The following NAV1 variants were observed in gnomAD, a reference collection of about 807,000 sequenced individuals.
NAV1 encodes the protein pore membrane and/or filament interacting like protein 3.
In NAV1, 18 loss-of-function variants were observed where a neutral mutation model predicts 175.2. The ratio of observed to expected loss-of-function variants is 0.10; its 90% CI spans 0.07 to 0.15. The LOEUF (loss-of-function observed/expected upper bound fraction) is 0.15, where lower values mean the gene tolerates loss of function less well. Among genes scored for constraint, NAV1 ranks in the 10% least tolerant of loss-of-function variants. The probability of loss-of-function intolerance (pLI) is 1.00; values close to 1 mark genes in which losing one functional copy is unlikely to be tolerated. For missense variants in NAV1, 1,731 were observed against 2,436.6 expected (o/e 0.71, Z 6.10); for synonymous variants, 897 against 978.7 (o/e 0.92, Z 1.56).
At chr1:201,668,437 C>T (rs1177841916) in intron 1 of NAV1, among the ~76,000 whole-genome samples, 1 of 152,154 alleles carries the variant, frequency 6.6e-6, no homozygotes, top group Non-Finnish European at 1.5e-5. Context: ...CTGGGGCATG[C>T]CAGCTCCATC....
intron 2 of NAV1, among the ~76,000 whole-genome samples, chr1:201,592,408 A>G (rs1667226352): frequency 6.6e-6 from 1 of 152,022 alleles, no homozygotes; most frequent in African/African-American, 2.4e-5. Flanking sequence ...TCCTAGCACC[A>G]CCCCTCATTT....
intron 2 of NAV1, among the ~76,000 whole-genome samples, chr1:201,594,985 T>A (rs1356390112): frequency 6.6e-6 from 1 of 152,208 alleles, no homozygotes; most frequent in East Asian, 1.9e-4. Flanking sequence ...CTCTTGTGCC[T>A]AGCACAGCGA....
chr1:201,579,481 G>A (rs1239671505), intron 1 of NAV1, among the ~76,000 whole-genome samples: 2 of 152,008 alleles, frequency 1.3e-5, no homozygotes, highest in African/African-American at 4.8e-5. Context: ...TCAGCCTCCC[G>A]AGTAGCTGGG....
At chr1:201,713,873 G>T (rs1672018381) in intron 2 of NAV1, among the ~76,000 whole-genome samples, 1 of 152,162 alleles carries the variant, frequency 6.6e-6, no homozygotes, top group Non-Finnish European at 1.5e-5. Context: ...GGCCATTTGG[G>T]ATTCTGAGGA....
rs1476088139 is a variant in NAV1, at chr1:201,697,213, G to A, written c.758-15604G>A. Among the ~76,000 whole-genome samples the A allele has an allele frequency of 2.6e-5, 4 of 152,316 alleles. No individual in the cohort carries two copies. In the East Asian group the frequency reaches 5.8e-4, roughly 22 times the overall value. ...AACCATCCTGGAAATGGGGGGGCAT[G>A]TTGGTGGCAGATGGGCCGAGTCACA... is the stretch of plus-strand genomic sequence containing the variant. On this transcript the variant is annotated intron_variant, in intron 1 of 29. Transcript: ENST00000367296.
At chr1:201,814,020 T>C (rs1334995932) in intron 28 of NAV1, among the ~76,000 whole-genome samples, 12 of 152,100 alleles carry the variant, frequency 7.9e-5, no homozygotes, top group Admixed American at 7.2e-4. Context: ...ATCACGCCAC[T>C]GTACTCCAGT....
At chr1:201,784,662 C>A (rs57680063) in intron 7 of NAV1, among the ~76,000 whole-genome samples, 1 of 151,706 alleles carries the variant, frequency 6.6e-6, no homozygotes. Context: ...CTCAGCCTCC[C>A]GGGAGCTGCA....
At chr1:201,642,511 C>CTCTTTCTTTCCTTCTT (rs1668802613) in intron 2 of NAV1, among the ~76,000 whole-genome samples, 1 of 45,552 alleles carries the variant, frequency 2.2e-5, no homozygotes, top group South Asian at 6.7e-4. Context: ...CGCACCCGGC[C>CTCTTTCTTTCCTTCTT]TCTTTCTTTC....
intron 28 of NAV1, among the ~76,000 whole-genome samples, chr1:201,815,578 A>C (rs943314446): frequency 8.5e-5 from 13 of 152,122 alleles, no homozygotes; most frequent in Non-Finnish European, 1.6e-4. Flanking sequence ...GAGGCTGGGC[A>C]GGGGGGTAGG....
At chr1:201,655,355 G>A (rs1471485225) in intron 1 of NAV1, among the ~76,000 whole-genome samples, 2 of 152,206 alleles carry the variant, frequency 1.3e-5, no homozygotes, top group Admixed American at 6.5e-5. Context: ...TCTCATTTGC[G>A]CTGGCTGACC....
At chr1:201,626,575 A>T (rs1668335773) in intron 1 of NAV1, among the ~76,000 whole-genome samples, 1 of 152,154 alleles carries the variant, frequency 6.6e-6, no homozygotes, top group East Asian at 1.9e-4. Context: ...GGTCTCACAC[A>T]TCTAATTCCA....
chr1:201,609,851 T>G (rs10920220), intron 2 of NAV1, among the ~76,000 whole-genome samples: 23,815 of 151,552 alleles, frequency 0.16, 2,125 homozygotes, highest in East Asian at 0.46. Flanking sequence ...TGTATATATA[T>G]AGAGAGAGAG....
rs189526104 is a variant in NAV1 at position 201,558,544 on chromosome 1, G to A, written c.-144+19202G>A. On this transcript the variant is annotated intron_variant, in intron 1 of 33. Transcript: ENST00000685211. ...CTCGGCTCACTGCAACATCTGCCTC[G>A]CGGGTTCAAGCGATTCTCCTGTCTC... Among the ~76,000 whole-genome samples, 26 of 152,188 alleles carry A rather than the reference G, an allele frequency of 1.7e-4. No individual in the cohort carries two copies. The East Asian group carries it at 3.9e-3, about 23-fold the overall frequency.
intron 1 of NAV1, among the ~76,000 whole-genome samples, chr1:201,544,287 C>T (rs1665604271): frequency 6.6e-6 from 1 of 152,204 alleles, no homozygotes; most frequent in Admixed American, 6.5e-5. Flanking sequence ...CTGATTTACT[C>T]GCTGGAACCC....
At chr1:201,550,270 C>T (rs1323510542) in intron 1 of NAV1, among the ~76,000 whole-genome samples, 1 of 152,032 alleles carries the variant, frequency 6.6e-6, no homozygotes, top group East Asian at 1.9e-4. Flanking sequence ...TTCCAGGGCT[C>T]AAGTGATCCT....
chr1:201,623,541 T>C, exon 1 of NAV1: 6 of 986,186 alleles, frequency 6.1e-6, no homozygotes, highest in Non-Finnish European at 7.2e-6. Context: ...CGGGGGCCAT[T>C]AGCTTCTCCT....
intron 1 of NAV1, among the ~76,000 whole-genome samples, chr1:201,693,480 T>C (rs536498274): frequency 1.3e-5 from 2 of 152,202 alleles, no homozygotes; most frequent in East Asian, 3.9e-4. Context: ...TGGAGCTACA[T>C]AAGGGATGTA....
At position 201,583,174 on chromosome 1, in the gene NAV1, C is replaced by T. The variant is rs531729925; in HGVS notation, c.-143-5365C>T. On this transcript the variant is annotated intron_variant, in intron 1 of 33. Coordinates refer to the NAV1 transcript ENST00000685211. ...CCATTTGGTGATTTCTTAGCCTCCT[C>T]CCTGCCTGGCTGATTTCTTTGTGTG... Among the ~76,000 whole-genome samples, 238 of 152,388 alleles carry T rather than the reference C, an allele frequency of 1.6e-3. 1 individual carries two copies. Among genetic ancestry groups the T allele is most frequent in the Non-Finnish European group, 2.6e-3 (175 of 68,046 alleles).
intron 2 of NAV1, among the ~76,000 whole-genome samples, chr1:201,606,298 G>A (rs550705722): frequency 3.9e-5 from 6 of 152,166 alleles, no homozygotes; most frequent in African/African-American, 1.4e-4. Context: ...CAAAACAGGG[G>A]GCTACCTGGT....
Sources: gnomAD v4.1 joint callset for allele counts (sites outside exome capture counted in the v4.1 genomes callset) on GRCh38, gnomAD v4.1.1 for gene constraint, MANE v1.5 for transcripts, NCBI Gene and HGNC (gene_info 2026-07-23, HGNC 2026-07-21) for gene names.